Variants in SART3 observed in about 807,000 individuals in gnomAD.
The protein encoded by SART3 is spliceosome associated factor 3, U4/U6 recycling protein, also known as HIV-1 Tat-interacting protein of 110kDa.
Under a neutral mutation model 122.3 loss-of-function variants are expected in SART3, and 44 were observed. The ratio of observed to expected loss-of-function variants is 0.36; its 90% CI spans 0.28 to 0.46. SART3 has a LOEUF of 0.46. Among genes scored for constraint, SART3 ranks in the 20% least tolerant of loss-of-function variants. The pLI is 1.00. For missense variants in SART3, 1,101 were observed against 1,229.0 expected, an observed-to-expected ratio of 0.90 and a Z score of 1.56; for synonymous variants, 442 against 454.0, an observed-to-expected ratio of 0.97 and a Z score of 0.34.
chr12:108,560,514 G>A (rs1461107569), intron 1 of SART3: 1 of 402,902 alleles, frequency 2.5e-6, no homozygotes, highest in Non-Finnish European at 4.4e-6. Flanking sequence ...TGGGAGTTCT[G>A]GAATGGGATC....
intron 9 of SART3, 147 bp downstream of exon 9, chr12:108,537,341 T>C (rs1872956321): frequency 8.9e-6 from 6 of 674,282 alleles, no homozygotes; most frequent in Admixed American, 2.1e-5. Flanking sequence ...AAGACAGAAA[T>C]TGCTAAGATT....
At chr12:108,537,059 A>C in intron 9 of SART3, 5 of 484,398 alleles carry the variant, frequency 1.0e-5, no homozygotes, top group East Asian at 4.0e-5. Flanking sequence ...AAACAAGAGA[A>C]TGGCTAAAGG....
At chr12:108,538,022 T>C in intron 8 of SART3, 43 bp downstream of exon 8, 1 of 1,613,454 alleles carries the variant, frequency 6.2e-7, no homozygotes, top group Non-Finnish European at 8.5e-7. Context: ...GTTTTTCACT[T>C]GGGACAAATA....
At chr12:108,545,465 AC>A in intron 3 of SART3, 142 bp from the exon 4 acceptor site, 1 of 734,864 alleles carries the variant, frequency 1.4e-6, no homozygotes, top group African/African-American at 1.8e-5. Flanking sequence ...AGCAGAGATG[AC>A]CATAAAGGAC....
chr12:108,551,021 T>C (rs991885619), intron 1 of SART3, among the ~76,000 whole-genome samples: 1 of 152,192 alleles, frequency 6.6e-6, no homozygotes, highest in Non-Finnish European at 1.5e-5. Context: ...ATGGTGCATA[T>C]ATGCTAATTA....
In SART3 at chr12:108,538,922, C is replaced by T. The variant is rs575092874; in HGVS notation, c.1062+12G>A. On this transcript the variant is annotated intron_variant, in intron 7 of 18. Transcript: ENST00000546815. ...TGGCAAAAATAAAATGAAATTAGAACAGTGATCTTACTAGGTACTGACTGT... is the reference window on the plus strand; with the variant it reads ...TGGCAAAAATAAAATGAAATTAGAATAGTGATCTTACTAGGTACTGACTGT... 3.7e-6 allele frequency: 6 copies of T among 1,614,108 alleles called. No individual in the cohort carries two copies. The African/African-American group carries it at 4.0e-5, about 11-fold the overall frequency.
At chr12:108,553,148 G>C (rs1379602552) in intron 1 of SART3, among the ~76,000 whole-genome samples, 1 of 152,138 alleles carries the variant, frequency 6.6e-6, no homozygotes, top group Admixed American at 6.5e-5. Context: ...AATACACCTT[G>C]ACCTAAACTT....
At chr12:108,549,680 ACAT>A (rs2029914392) in intron 1 of SART3, among the ~76,000 whole-genome samples, 1 of 152,210 alleles carries the variant, frequency 6.6e-6, no homozygotes, top group South Asian at 2.1e-4. Flanking sequence ...GTCCTTTAGC[ACAT>A]GTGAGGTACA....
Position 108,547,876 on chromosome 12 carries a change from C to G in SART3, c.544+11G>C. On this transcript the variant is annotated intron_variant, in intron 3 of 18. Coordinates refer to ENST00000546815, the MANE Select transcript of SART3 (RefSeq NM_014706.4). ...TTGCCAGATATCCAAAAAAAGTCCA[C>G]GGGAACTTACAAATGTAATCCTTCA... 6.2e-7 allele frequency: 1 copy of G among 1,605,024 alleles called. No homozygotes were observed. Among genetic ancestry groups the G allele is most frequent in the Non-Finnish European group, 8.5e-7 (1 of 1,172,614 alleles).
intron 1 of SART3, among the ~76,000 whole-genome samples, chr12:108,556,977 G>A (rs2030245856): frequency 7.1e-6 from 1 of 140,456 alleles, no homozygotes; most frequent in African/African-American, 2.6e-5. Context: ...AGGTATAAAA[G>A]TCGCTAAAGT....
At chr12:108,540,704 C>T (rs1035420187) in intron 6 of SART3, among the ~76,000 whole-genome samples, 1 of 148,072 alleles carries the variant, frequency 6.8e-6, no homozygotes, top group Non-Finnish European at 1.5e-5. Flanking sequence ...CTCACCCTAT[C>T]CAAGAGCAAA....
In SART3 at chr12:108,560,930, G is replaced by C. The variant is rs367895054; in HGVS notation, c.225C>G (p.Ser75=). The C allele has an allele frequency of 6.2e-7, 1 of 1,613,808 alleles. No individual in the cohort carries two copies. Among genetic ancestry groups the C allele is most frequent in the Non-Finnish European group, 8.5e-7 (1 of 1,179,900 alleles). Residue 75 remains serine (S), a synonymous_variant, in exon 1 of 19, where the codon TCC becomes TCG. Transcript: ENST00000546815. The stretch of plus-strand genomic sequence containing the variant: ...CGTACTCCCCGGGGGAGCTCTCCGC[G>C]GAGGAAGCCATGGCGTACTCATCCC... ...SDGDEYAMAS[S]AESSPGEYEW...
intron 4 of SART3, chr12:108,544,790 C>G (rs1481200628): frequency 1.0e-5 from 6 of 574,784 alleles, no homozygotes; most frequent in South Asian, 6.1e-5. Flanking sequence ...GTCTTGTACT[C>G]CTGAACTCAA....
At chr12:108,540,057 GAAA>G in intron 6 of SART3, among the ~76,000 whole-genome samples, 1 of 151,952 alleles carries the variant, frequency 6.6e-6, no homozygotes, top group East Asian at 1.9e-4. Flanking sequence ...AAGAAAGATA[GAAA>G]AAAAGAGTCA....
intron 6 of SART3, 33 bp downstream of exon 6, chr12:108,542,995 G>A (rs758883869): frequency 3.1e-6 from 5 of 1,613,866 alleles, no homozygotes; most frequent in East Asian, 4.5e-5. Context: ...GGTTTGTAGA[G>A]AGACGTTTAC....
chr12:108,542,925 A>G, intron 6 of SART3, 103 bp downstream of exon 6: 4 of 1,447,290 alleles, frequency 2.8e-6, no homozygotes, highest in Non-Finnish European at 3.9e-6. Context: ...TACACTCTAT[A>G]TATTTCAGAA....
rs778076011 is a variant in SART3, at chr12:108,531,277, G to T, written c.1673C>A (p.Ser558Tyr). Reference protein sequence around the residue: ...VLLTMERTEGSLEDWDIAVQK... With the variant: ...VLLTMERTEGYLEDWDIAVQK... ...AACAGCTATATCCCAATCTTCTAAA[G>T]AACCTTGAAAGAAAGAGAAGCAAAA... The change falls in exon 14 of 19, where the codon TCT (serine) becomes TAT (tyrosine). Residue 558 changes from serine to tyrosine, a missense_variant. Physicochemically the swap from Ser to Tyr is moderately radical, Grantham distance 144. This residue lies in a region of SART3 where 885 missense variants were observed against 1,080.1 expected (regional missense o/e 0.82). Transcript: ENST00000546815. 4.3e-6 allele frequency: 7 copies of T among 1,613,080 alleles called. No homozygotes were observed. Among genetic ancestry groups the T allele is most frequent in the Non-Finnish European group, 5.9e-6 (7 of 1,179,234 alleles).
intron 1 of SART3, among the ~76,000 whole-genome samples, chr12:108,554,671 T>C (rs2030143814): frequency 6.8e-6 from 1 of 147,756 alleles, no homozygotes; most frequent in African/African-American, 2.5e-5. Context: ...GTTTATTATA[T>C]ATTTATATAT....
chr12:108,526,439 G>A lies in SART3; in HGVS notation c.2030C>T (p.Pro677Leu). 1.2e-6 allele frequency: 2 copies of A among 1,614,142 alleles called. No homozygotes were observed. Among genetic ancestry groups the A allele is most frequent in the Non-Finnish European group, 1.7e-6 (2 of 1,180,026 alleles). ...AGKCAAVDVE[P>L]PSKQKEKAAS... Reference sequence around the variant, plus strand: ...TGCCTTCTCCTTCTGCTTCGAAGGGGGCTCCACATCTACGGCAGCACATTT... The same window carrying A: ...TGCCTTCTCCTTCTGCTTCGAAGGGAGCTCCACATCTACGGCAGCACATTT... The change falls in exon 16 of 19, where the codon CCC becomes CTC. Residue 677 changes from proline (P) to leucine (L), a missense_variant. Coordinates refer to ENST00000546815, the MANE Select transcript of SART3 (RefSeq NM_014706.4).
Sources: allele counts gnomAD v4.1 joint callset (sites outside exome capture counted in the v4.1 genomes callset), GRCh38; gene constraint gnomAD v4.1.1; regional missense constraint gnomAD v4.1.1; transcripts MANE v1.5; gene names NCBI Gene and HGNC (gene_info 2026-07-23, HGNC 2026-07-21).